The following NOPCHAP1 variants were observed in gnomAD, a reference collection of about 807,000 sequenced individuals.
The protein encoded by NOPCHAP1 is NOP protein chaperone 1, also known as DNA damage-sensitive RNA 1.
NOPCHAP1 carries 13 observed loss-of-function variants against 14.0 expected under a neutral mutation model. The observed-to-expected ratio is 0.93, with a 90% CI of 0.60 to 1.47. The LOEUF (loss-of-function observed/expected upper bound fraction) is 1.47. Ranked by LOEUF, NOPCHAP1 falls within the 40% of genes most tolerant of loss-of-function variation. The probability of loss-of-function intolerance (pLI) is 0.00; values close to 1 mark genes in which losing one functional copy is unlikely to be tolerated. For missense variants in NOPCHAP1, 230 were observed against 226.9 expected (o/e 1.01, Z -0.09); for synonymous variants, 78 against 78.4 (o/e 1.00, Z 0.03).
In NOPCHAP1 at chr12:105,005,976, A is replaced by G. The variant is rs917850959; in HGVS notation, c.*11280A>G. On this transcript the variant is annotated 3_prime_UTR_variant, in exon 4 of 4. Transcript: ENST00000552951. ...TCGTCTGGCACTGTGGCTCAGAAGC[A>G]TTCATCTCCATCAAGCTGTCTTCTG... The G allele has an allele frequency of 4.6e-5, 7 of 152,454 alleles. 1 individual carries two copies. Among genetic ancestry groups the G allele is most frequent in the Admixed American group, 1.3e-4 (2 of 15,296 alleles). The allele number at this position is 152,454 out of a possible 1,614,324, so 9.4% of individuals were successfully genotyped here.
At chr12:104,991,609 A>C in intron 2 of NOPCHAP1, 103 bp from the exon 3 acceptor site, 3 of 1,187,342 alleles carry the variant, frequency 2.5e-6, no homozygotes, top group Non-Finnish European at 2.3e-6. Context: ...ATATGTAATT[A>C]TGGTTGTTAT....
chr12:104,994,947 A>G lies in NOPCHAP1; in HGVS notation c.*251A>G, dbSNP rs1873467780. On this transcript the variant is annotated 3_prime_UTR_variant, in exon 4 of 4. Transcript: ENST00000552951. ...GAAAGTGTGCTTTTATCAGCTGAACACAGAAGTAGAGTACAGGAATAACTT... is the reference window on the plus strand; with the variant it reads ...GAAAGTGTGCTTTTATCAGCTGAACGCAGAAGTAGAGTACAGGAATAACTT... 8 of 439,360 alleles carry G rather than the reference A, an allele frequency of 1.8e-5. No individual in the cohort carries two copies. The highest frequency in any genetic ancestry group is 1.8e-4 in the South Asian group (8 of 45,520). 27.2% of individuals were successfully genotyped at this position (439,360 alleles called of 1,614,324 possible).
At chr12:104,992,744 C>A (rs1035814580) in intron 3 of NOPCHAP1, among the ~76,000 whole-genome samples, 1 of 152,222 alleles carries the variant, frequency 6.6e-6, no homozygotes, top group East Asian at 1.9e-4. Flanking sequence ...CCAAAAGGAG[C>A]GTGAACCCTA....
chr12:104,987,123 C>A (rs1592746922), intron 1 of NOPCHAP1, among the ~76,000 whole-genome samples: 1 of 152,198 alleles, frequency 6.6e-6, no homozygotes. Flanking sequence ...GAGGAGAATG[C>A]CTAAAAAGGC....
rs1045675169 is a variant in NOPCHAP1 at position 104,986,329 on chromosome 12, T to G, written c.-24T>G. The stretch of plus-strand genomic sequence containing the variant: ...CGAGCCTTTTTCCTGCATCCGGGCC[T>G]GAGAGTGCAGGCTTGAGGGAAGCAT... On this transcript the variant is annotated 5_prime_UTR_variant, in exon 1 of 4. Transcript: ENST00000552951. 5.1e-6 allele frequency: 8 copies of G among 1,582,270 alleles called. No homozygotes were observed. Among genetic ancestry groups the G allele is most frequent in the Non-Finnish European group, 6.9e-6 (8 of 1,161,216 alleles).
In NOPCHAP1 at chr12:104,986,336, G is replaced by A; in HGVS notation, c.-17G>A. 1.3e-6 allele frequency: 2 copies of A among 1,593,562 alleles called. No individual in the cohort carries two copies. The highest frequency in any genetic ancestry group is 1.7e-5 in the Admixed American group (1 of 57,480). On this transcript the variant is annotated 5_prime_UTR_variant, in exon 1 of 4. Coordinates refer to ENST00000552951, the MANE Select transcript of NOPCHAP1 (RefSeq NM_152318.3). ...TTTTCCTGCATCCGGGCCTGAGAGT[G>A]CAGGCTTGAGGGAAGCATGGAGGTC... is the stretch of plus-strand genomic sequence containing the variant.
rs1472806390 is a variant in NOPCHAP1, at chr12:105,013,640, G to A, written c.*18944G>A. On this transcript the variant is annotated 3_prime_UTR_variant, in exon 4 of 4. Transcript: ENST00000552951. ...ACCCGAGGGAATCTCCTGGTCTGCG[G>A]GTTGTGAAGACCGTGGGAAAAGCAT... 1 of 152,474 alleles carries A rather than the reference G, an allele frequency of 6.6e-6. No individual in the cohort carries two copies. The highest frequency in any genetic ancestry group is 1.5e-5 in the Non-Finnish European group (1 of 68,254). The allele number at this position is 152,474 out of a possible 1,614,324, so 9.4% of individuals were successfully genotyped here. A position where few individuals can be genotyped will look rare whatever the true frequency, so the allele number is the denominator to read the frequency against.
rs1271058825 is a variant in NOPCHAP1 at position 105,003,147 on chromosome 12, T to C, written c.*8451T>C. On this transcript the variant is annotated 3_prime_UTR_variant, in exon 4 of 4. Transcript: ENST00000552951. Reference sequence around the variant, plus strand: ...TACCAATTTAAAGAATGCATCTCATTGCTTATGAAGCATTTTGGATTCTTT... The same window carrying C: ...TACCAATTTAAAGAATGCATCTCATCGCTTATGAAGCATTTTGGATTCTTT... The C allele has an allele frequency of 6.6e-5, 10 of 152,266 alleles. No individual in the cohort carries two copies. Among genetic ancestry groups the C allele is most frequent in the African/African-American group, 2.4e-4 (10 of 41,478 alleles). 9.4% of individuals were successfully genotyped at this position (152,266 alleles called of 1,614,324 possible). A position where few individuals can be genotyped will look rare whatever the true frequency, so the allele number is the denominator to read the frequency against.
intron 2 of NOPCHAP1, 80 bp from the exon 3 acceptor site, chr12:104,991,632 A>G (rs1873377708): frequency 7.2e-7 from 1 of 1,380,908 alleles, no homozygotes; most frequent in Non-Finnish European, 9.8e-7. Flanking sequence ...TTAATACTCA[A>G]TTCAGAAGTG....
At position 105,010,107 on chromosome 12, in the gene NOPCHAP1, G is replaced by A. The variant is rs371371986; in HGVS notation, c.*15411G>A. ...TCCTTCAGGTCCTGGGCTTTTTTTG[G>A]TTAGTAGTCTATTAGTTACTGCCTC... On this transcript the variant is annotated 3_prime_UTR_variant, in exon 4 of 4. Coordinates refer to ENST00000552951, the MANE Select transcript of NOPCHAP1 (RefSeq NM_152318.3). 1.3e-5 allele frequency: 2 copies of A among 152,046 alleles called. No homozygotes were observed. The highest frequency in any genetic ancestry group is 6.6e-5 in the Admixed American group (1 of 15,260). 9.4% of individuals were successfully genotyped at this position (152,046 alleles called of 1,614,324 possible). A position where few individuals can be genotyped will look rare whatever the true frequency, so the allele number is the denominator to read the frequency against.
Position 104,986,822 on chromosome 12 carries a change from C to G in NOPCHAP1, c.115+355C>G, listed in dbSNP as rs1228568197. Among the ~76,000 whole-genome samples the G allele has an allele frequency of 2.0e-5, 3 of 152,066 alleles. No homozygotes were observed. In the East Asian group the frequency reaches 5.8e-4, roughly 29 times the overall value. ...GGGCTTTTGGTTTGGCTGCCTGGGT[C>G]GGAGCAGTTGGCTGATAGGGGGAAG... is the stretch of plus-strand genomic sequence containing the variant. On this transcript the variant is annotated intron_variant, in intron 1 of 3. Coordinates refer to ENST00000552951, the MANE Select transcript of NOPCHAP1 (RefSeq NM_152318.3).
Position 105,015,210 on chromosome 12 carries a change from G to C in NOPCHAP1, c.*20514G>C, listed in dbSNP as rs1003167922. On this transcript the variant is annotated 3_prime_UTR_variant, in exon 4 of 4. Transcript: ENST00000552951. ...CAGCTGGAAAGAGTACACCAGAACT[G>C]TACACAGCCGTGATGAGTTATTGGC... 2.0e-5 allele frequency: 3 copies of C among 152,312 alleles called. No homozygotes were observed. In the East Asian group the frequency reaches 5.8e-4, roughly 29 times the overall value. The allele number at this position is 152,312 out of a possible 1,614,324, so 9.4% of individuals were successfully genotyped here. A position where few individuals can be genotyped will look rare whatever the true frequency, so the allele number is the denominator to read the frequency against.
chr12:104,989,581 T>C (rs1873327322), intron 2 of NOPCHAP1, among the ~76,000 whole-genome samples: 1 of 152,232 alleles, frequency 6.6e-6, no homozygotes, highest in Non-Finnish European at 1.5e-5. Context: ...TTTTTACCGA[T>C]TTTATGGTGA....
At chr12:104,988,011 T>C (rs1333838860) in intron 1 of NOPCHAP1, among the ~76,000 whole-genome samples, 156 bp from the exon 2 acceptor site, 2 of 152,096 alleles carry the variant, frequency 1.3e-5, no homozygotes, top group African/African-American at 4.8e-5. Context: ...AGAATTAAAA[T>C]GTTGTAATGG....
At chr12:104,992,455 G>A (rs1873400034) in intron 3 of NOPCHAP1, among the ~76,000 whole-genome samples, 1 of 152,178 alleles carries the variant, frequency 6.6e-6, no homozygotes. Context: ...TTCTTAGCAG[G>A]TTTTCCTGCG....
rs1309858163 is a variant in NOPCHAP1, at chr12:104,986,392, T to C, written c.40T>C (p.Ser14Pro). 6.2e-7 allele frequency: 1 copy of C among 1,611,778 alleles called. No homozygotes were observed. ...HGKPKASPSC[S>P]SPTRDSSGVP... Reference sequence around the variant, plus strand: ...CAAGCCCAAGGCTAGCCCGAGTTGTTCGTCGCCCACCCGGGATTCCTCAGG... The same window carrying C: ...CAAGCCCAAGGCTAGCCCGAGTTGTCCGTCGCCCACCCGGGATTCCTCAGG... The change falls in exon 1 of 4, where the codon TCG becomes CCG. Residue 14 changes from serine (S) to proline (P), a missense_variant. Physicochemically the swap from Ser to Pro is moderately conservative, Grantham distance 74. Transcript: ENST00000552951.
Position 105,005,822 on chromosome 12 carries a change from AGTGT to A in NOPCHAP1, c.*11131_*11134del, listed in dbSNP as rs1314148408. The A allele has an allele frequency of 6.6e-6, 1 of 152,230 alleles. No homozygotes were observed. Among genetic ancestry groups the A allele is most frequent in the Non-Finnish European group, 1.5e-5 (1 of 68,048 alleles). 9.4% of individuals were successfully genotyped at this position (152,230 alleles called of 1,614,324 possible). A position where few individuals can be genotyped will look rare whatever the true frequency, so the allele number is the denominator to read the frequency against. On this transcript the variant is annotated 3_prime_UTR_variant, in exon 4 of 4. Transcript: ENST00000552951. ...ATCTTCTACCATTTGCTTTAGTTTT[AGTGT>A]GTGTATCATAGAAAGGTCCATGTTA... is the stretch of plus-strand genomic sequence containing the variant.
In NOPCHAP1 at chr12:105,015,054, G is replaced by C. The variant is rs909604936; in HGVS notation, c.*20358G>C. ...TCTTCACATTGGCCTGAGTCTTCTT[G>C]TGATTGCTGTGAAGATAATTATCCA... On this transcript the variant is annotated 3_prime_UTR_variant, in exon 4 of 4. Transcript: ENST00000552951. 1 of 152,152 alleles carries C rather than the reference G, an allele frequency of 6.6e-6. No homozygotes were observed. Among genetic ancestry groups the C allele is most frequent in the African/African-American group, 2.4e-5 (1 of 41,438 alleles). The allele number at this position is 152,152 out of a possible 1,614,324, so 9.4% of individuals were successfully genotyped here.
At chr12:104,993,892 C>A (rs551658148) in intron 3 of NOPCHAP1, among the ~76,000 whole-genome samples, 1 of 152,108 alleles carries the variant, frequency 6.6e-6, no homozygotes, top group South Asian at 2.1e-4. Flanking sequence ...GTGCCTAACT[C>A]ATGTTAGTAT....
Sources: allele counts gnomAD v4.1 joint callset (sites outside exome capture counted in the v4.1 genomes callset), GRCh38; gene constraint gnomAD v4.1.1; transcripts MANE v1.5; gene names NCBI Gene and HGNC (gene_info 2026-07-23, HGNC 2026-07-21).